Variants in TNPO3 observed in about 807,000 individuals in gnomAD.
The protein encoded by TNPO3 is transportin-3.
TNPO3 carries 65 observed loss-of-function variants against 122.8 expected under a neutral mutation model. The observed-to-expected ratio is 0.53, with a 90% CI of 0.43 to 0.65. The LOEUF (loss-of-function observed/expected upper bound fraction) is 0.65, where lower values mean the gene tolerates loss of function less well. Among genes scored for constraint, TNPO3 ranks in the 30% least tolerant of loss-of-function variants. The pLI is 0.00. For synonymous variants in TNPO3, 372 were observed against 411.2 expected (o/e 0.90, Z 1.15); for missense variants, 850 against 1,136.7 (o/e 0.75, Z 3.63).
At chr7:129,002,729 T>C (rs570313327) in intron 5 of TNPO3, among the ~76,000 whole-genome samples, 31 of 151,878 alleles carry the variant, frequency 2.0e-4, no homozygotes, top group Middle Eastern at 3.4e-3. Flanking sequence ...CCATCCTGGC[T>C]AACACAGTGA....
intron 11 of TNPO3, among the ~76,000 whole-genome samples, chr7:128,988,468 G>C (rs961369742): frequency 6.6e-6 from 1 of 152,132 alleles, no homozygotes; most frequent in African/African-American, 2.4e-5. Context: ...CTCTAATAAT[G>C]TAGACTTCTG....
chr7:128,998,157 A>G (rs1209122950), intron 7 of TNPO3, among the ~76,000 whole-genome samples: 1 of 151,912 alleles, frequency 6.6e-6, no homozygotes, highest in Non-Finnish European at 1.5e-5. Flanking sequence ...TATTTTATTT[A>G]AAACAAATTT....
intron 4 of TNPO3, among the ~76,000 whole-genome samples, chr7:129,012,602 C>A (rs1432437697): frequency 6.6e-6 from 1 of 152,062 alleles, no homozygotes; most frequent in Non-Finnish European, 1.5e-5. Context: ...CTAAATACTA[C>A]TTTTTTTACC....
At chr7:129,016,375 CAA>C (rs1347980649) in intron 3 of TNPO3, among the ~76,000 whole-genome samples, 1 of 152,156 alleles carries the variant, frequency 6.6e-6, no homozygotes, top group African/African-American at 2.4e-5. Context: ...GCCTGGGCAA[CAA>C]GAGCGAGACT....
chr7:128,988,938 A>G (rs989424019), intron 11 of TNPO3, among the ~76,000 whole-genome samples: 4 of 152,062 alleles, frequency 2.6e-5, no homozygotes, highest in East Asian at 1.9e-4. Flanking sequence ...AATAGTGGGC[A>G]TGGTGGCATG....
In TNPO3 at chr7:129,029,964, T is replaced by A. The variant is rs185644523; in HGVS notation, c.121-11807A>T. The A allele has an allele frequency of 4.6e-5, 7 of 152,138 alleles. No homozygotes were observed. The East Asian group carries it at 1.4e-3, about 29-fold the overall frequency. 9.4% of individuals were successfully genotyped at this position (152,138 alleles called of 1,614,324 possible). A position where few individuals can be genotyped will look rare whatever the true frequency, so the allele number is the denominator to read the frequency against. Reference sequence around the variant, plus strand: ...ATGGCGTGAACCCGAGAGGCGGAGCTTGCAGTGAGCCCAGATCACACCACT... The same window carrying A: ...ATGGCGTGAACCCGAGAGGCGGAGCATGCAGTGAGCCCAGATCACACCACT... On this transcript the variant is annotated intron_variant, in intron 1 of 22. Coordinates refer to ENST00000265388, the MANE Select transcript of TNPO3 (RefSeq NM_012470.4).
At chr7:129,050,457 TTAAA>T (rs973559961) in intron 1 of TNPO3, among the ~76,000 whole-genome samples, 1 of 151,314 alleles carries the variant, frequency 6.6e-6, no homozygotes, top group Non-Finnish European at 1.5e-5. Context: ...AGAAAAAAGT[TTAAA>T]TAAATAAAAG....
intron 10 of TNPO3, among the ~76,000 whole-genome samples, chr7:128,991,059 T>C (rs1800695350): frequency 1.3e-5 from 2 of 152,212 alleles, no homozygotes; most frequent in African/African-American, 4.8e-5. Context: ...CTAGCCATCA[T>C]TTTTCAAACC....
rs749595394 is a variant in TNPO3 at position 129,054,639 on chromosome 7, T to C, written c.120+12A>G. The C allele has an allele frequency of 2.5e-6, 4 of 1,613,376 alleles. No homozygotes were observed. The highest frequency in any genetic ancestry group is 2.2e-5 in the East Asian group (1 of 44,874). On this transcript the variant is annotated intron_variant, in intron 1 of 22. Transcript: ENST00000265388. ...GCCGTGCGGCACAGAACTGCCTCTC[T>C]GGGCCCCTCACCGAACGCTGCAGCT...
In TNPO3 at chr7:128,987,959, A is replaced by C. The variant is rs1800342201; in HGVS notation, c.1499-1039T>G. Among the ~76,000 whole-genome samples, 3 of 152,202 alleles carry C rather than the reference A, an allele frequency of 2.0e-5. No homozygotes were observed. In the South Asian group the frequency reaches 6.2e-4, roughly 32 times the overall value. On this transcript the variant is annotated intron_variant, in intron 11 of 22. Coordinates refer to ENST00000265388, the MANE Select transcript of TNPO3 (RefSeq NM_012470.4). ...AAACTGTGAAAAAGTGGAAAGAATC[A>C]AAATAATAACATCTTTTTTTTTCTT...
chr7:128,986,607 T>C (rs1800178312), intron 12 of TNPO3, 122 bp downstream of exon 12: 1 of 883,346 alleles, frequency 1.1e-6, no homozygotes, highest in Non-Finnish European at 1.7e-6. Context: ...GCCATCTTCC[T>C]CATCTTATAA....
chr7:128,976,380 TCCTAAA>T (rs1439793486), intron 16 of TNPO3, among the ~76,000 whole-genome samples: 1 of 152,260 alleles, frequency 6.6e-6, no homozygotes, highest in Non-Finnish European at 1.5e-5. Context: ...TTTGAGTTGC[TCCTAAA>T]CCTATTTTAT....
chr7:129,001,019 G>C, intron 6 of TNPO3, 40 bp downstream of exon 6: 1 of 1,599,494 alleles, frequency 6.3e-7, no homozygotes, highest in Non-Finnish European at 8.6e-7. Context: ...TGACCAGACT[G>C]TAGGTAAACC....
chr7:129,003,053 A>AAC (rs1402687167), intron 5 of TNPO3, among the ~76,000 whole-genome samples: 1 of 147,142 alleles, frequency 6.8e-6, no homozygotes, highest in Non-Finnish European at 1.5e-5. Context: ...AAAAAAAAAA[A>AAC]AAAAAAAAAA....
At chr7:129,041,738 C>G in intron 1 of TNPO3, 3 of 985,470 alleles carry the variant, frequency 3.0e-6, no homozygotes, top group Non-Finnish European at 3.6e-6. Context: ...AGAACATTTT[C>G]CATTTAAGCA....
rs1291035040 is a variant in TNPO3 at position 128,954,732 on chromosome 7, T to C, written c.*685A>G. The C allele has an allele frequency of 6.5e-6, 1 of 153,148 alleles. No individual in the cohort carries two copies. Among genetic ancestry groups the C allele is most frequent in the East Asian group, 1.9e-4 (1 of 5,202 alleles). 9.5% of individuals were successfully genotyped at this position (153,148 alleles called of 1,614,324 possible). On this transcript the variant is annotated 3_prime_UTR_variant, in exon 23 of 23. Coordinates refer to ENST00000265388, the MANE Select transcript of TNPO3 (RefSeq NM_012470.4). ...CAAGTTCCTTGCTTACTCCTCCTTG[T>C]CTAAACAACTCTAAAGGTGGGAAGA...
chr7:128,965,954 T>A (rs1019458857), intron 21 of TNPO3, among the ~76,000 whole-genome samples: 1 of 152,212 alleles, frequency 6.6e-6, no homozygotes, highest in Non-Finnish European at 1.5e-5. Context: ...TGTTGCTTAA[T>A]GGGTATAGTT....
At chr7:128,978,275 T>C (rs1273475582) in intron 16 of TNPO3, among the ~76,000 whole-genome samples, 2 of 152,236 alleles carry the variant, frequency 1.3e-5, no homozygotes, top group African/African-American at 4.8e-5. Context: ...TCAATCTTAA[T>C]GACTAAAAGA....
At chr7:128,987,886 C>G (rs1800334229) in intron 11 of TNPO3, among the ~76,000 whole-genome samples, 1 of 151,808 alleles carries the variant, frequency 6.6e-6, no homozygotes, top group African/African-American at 2.4e-5. Context: ...GGCAAAAAAC[C>G]ATGTGTTGTT....
Sources: allele counts gnomAD v4.1 joint callset (sites outside exome capture counted in the v4.1 genomes callset), GRCh38; gene constraint gnomAD v4.1.1; transcripts MANE v1.5; gene names NCBI Gene and HGNC (gene_info 2026-07-23, HGNC 2026-07-21).